Variants in EXT2 observed in about 807,000 individuals in gnomAD.
EXT2 encodes the protein exostosin glycosyltransferase 2.
In EXT2, 53 loss-of-function variants were observed where a neutral mutation model predicts 81.6. The observed-to-expected ratio is 0.65, with a 90% confidence interval of 0.52 to 0.82. The LOEUF is 0.82. EXT2 is among the 40% of genes least tolerant of loss of function. EXT2 has a pLI of 0.00. For synonymous variants in EXT2, 320 were observed against 340.0 expected, an observed-to-expected ratio of 0.94 and a Z score of 0.65; for missense variants, 774 against 910.2, an observed-to-expected ratio of 0.85 and a Z score of 1.93.
At chr11:44,207,760 T>A (rs1165679404) in intron 10 of EXT2, among the ~76,000 whole-genome samples, 1 of 152,174 alleles carries the variant, frequency 6.6e-6, no homozygotes, top group East Asian at 1.9e-4. Flanking sequence ...CATAAATTTT[T>A]AAAAATGAAG....
intron 2 of EXT2, 66 bp downstream of exon 2, chr11:44,108,314 A>T: frequency 6.5e-7 from 1 of 1,538,380 alleles, no homozygotes. Flanking sequence ...AACTAAAGGG[A>T]AGGGAAGGAT....
chr11:44,158,650 GAA>G (rs1954888967), intron 7 of EXT2, among the ~76,000 whole-genome samples: 1 of 150,958 alleles, frequency 6.6e-6, no homozygotes, highest in Admixed American at 6.6e-5. Flanking sequence ...TTAATAAAAA[GAA>G]AGAATTTTAT....
At chr11:44,149,267 TG>T (rs1221841771) in intron 7 of EXT2, among the ~76,000 whole-genome samples, 2 of 152,000 alleles carry the variant, frequency 1.3e-5, no homozygotes, top group African/African-American at 4.8e-5. Flanking sequence ...GAGGCTGAGG[TG>T]GGAAGATTGC....
At chr11:44,236,154 G>A (rs1203644144) in intron 12 of EXT2, 139 bp from the exon 13 acceptor site, 11 of 772,986 alleles carry the variant, frequency 1.4e-5, no homozygotes, top group Non-Finnish European at 2.5e-5. Context: ...TGGAGGAATG[G>A]CGAGGTGTGT....
chr11:44,128,037 C>T (rs957018249), intron 6 of EXT2, among the ~76,000 whole-genome samples: 2 of 152,134 alleles, frequency 1.3e-5, no homozygotes, highest in African/African-American at 2.4e-5. Flanking sequence ...TTTTCCTTGC[C>T]TCAAATGCTT....
Position 44,124,846 on chromosome 11 carries a change from G to A in EXT2, c.801G>A (p.Glu267=), listed in dbSNP as rs1954374796. The change falls in exon 5 of 14, where the codon GAG becomes GAA. Residue 267 remains glutamate (E), a synonymous_variant. Transcript: ENST00000533608. Reference sequence around the variant, plus strand: ...TGGGTCTCCATCCTGAGTACAGAGAGGACCTAGAAGCCCTCCAGGTCAAAC... The same window carrying A: ...TGGGTCTCCATCCTGAGTACAGAGAAGACCTAGAAGCCCTCCAGGTCAAAC... The part of the protein sequence containing the change: ...SQVGLHPEYR[E]DLEALQVKHG... 3 of 1,614,046 alleles carry A rather than the reference G, an allele frequency of 1.9e-6. No homozygotes were observed. Among genetic ancestry groups the A allele is most frequent in the Non-Finnish European group, 2.5e-6 (3 of 1,180,006 alleles).
intron 10 of EXT2, among the ~76,000 whole-genome samples, chr11:44,219,415 G>A (rs1955758276): frequency 6.6e-6 from 1 of 152,124 alleles, no homozygotes; most frequent in Non-Finnish European, 1.5e-5. Context: ...TCAGGAGGCT[G>A]AGTGAGGTGG....
At chr11:44,114,144 T>A (rs2134983857) in intron 3 of EXT2, 41 bp from the exon 4 acceptor site, 1 of 1,533,186 alleles carries the variant, frequency 6.5e-7, no homozygotes, top group Non-Finnish European at 9.0e-7. Context: ...CAGAATAAAG[T>A]CCTTTCTTTC....
At chr11:44,096,210 C>T (rs1418613826) in intron 1 of EXT2, 1 of 1,526,900 alleles carries the variant, frequency 6.5e-7, no homozygotes, top group East Asian at 2.4e-5. Flanking sequence ...CTTCCTGCTG[C>T]CACCTTCCCG....
chr11:44,095,964 G>C, intron 1 of EXT2, 112 bp downstream of exon 1: 1 of 442,198 alleles, frequency 2.3e-6, no homozygotes, highest in South Asian at 2.1e-5. Context: ...GCCGCGCGGA[G>C]GCTCCGTGGA....
intron 7 of EXT2, among the ~76,000 whole-genome samples, chr11:44,160,982 T>C (rs1954920269): frequency 6.6e-6 from 1 of 152,212 alleles, no homozygotes; most frequent in South Asian, 2.1e-4. Context: ...ACTGATCTTC[T>C]TGGATTTGTT....
At chr11:44,168,962 T>A (rs2135122102) in intron 7 of EXT2, among the ~76,000 whole-genome samples, 1 of 152,214 alleles carries the variant, frequency 6.6e-6, no homozygotes, top group Non-Finnish European at 1.5e-5. Context: ...TGGCTCTTGC[T>A]TGTAATCCCA....
At chr11:44,193,125 A>G (rs1412748455) in intron 8 of EXT2, among the ~76,000 whole-genome samples, 2 of 152,250 alleles carry the variant, frequency 1.3e-5, no homozygotes, top group Non-Finnish European at 2.9e-5. Context: ...CATGGAAATA[A>G]AAACAGTATA....
chr11:44,116,267 A>G (rs893512560), intron 4 of EXT2: 2 of 152,212 alleles, frequency 1.3e-5, no homozygotes, highest in African/African-American at 4.8e-5. Context: ...ATAATTGTAC[A>G]ATAAATGGTC....
chr11:44,142,820 A>G (rs1954663844), intron 7 of EXT2, among the ~76,000 whole-genome samples: 1 of 152,220 alleles, frequency 6.6e-6, no homozygotes, highest in South Asian at 2.1e-4. Context: ...AGGGAATATT[A>G]GACCTGATCC....
At chr11:44,170,815 CA>C (rs1372105632) in intron 7 of EXT2, among the ~76,000 whole-genome samples, 4 of 1,906 alleles carry the variant, frequency 2.1e-3, no homozygotes, top group African/African-American at 4.1e-3. Context: ...CACATTCACA[CA>C]CACACACACA....
At chr11:44,236,225 G>T in intron 12 of EXT2, 68 bp from the exon 13 acceptor site, 4 of 1,324,256 alleles carry the variant, frequency 3.0e-6, no homozygotes, top group South Asian at 1.2e-5. Context: ...ATGCAGTGTG[G>T]TGTCACAAGC....
chr11:44,132,507 C>T (rs1954507767), intron 7 of EXT2, among the ~76,000 whole-genome samples: 1 of 152,172 alleles, frequency 6.6e-6, no homozygotes, highest in Non-Finnish European at 1.5e-5. Flanking sequence ...CCCTAGGCTT[C>T]CATTTCCTCA....
chr11:44,167,938 A>T (rs888381554), intron 7 of EXT2, among the ~76,000 whole-genome samples: 126 of 151,682 alleles, frequency 8.3e-4, no homozygotes, highest in African/African-American at 2.9e-3. Flanking sequence ...AGCATTAGGT[A>T]TATCTCCCAA....
Sources: gnomAD v4.1 joint callset for allele counts (sites outside exome capture counted in the v4.1 genomes callset) on GRCh38, gnomAD v4.1.1 for gene constraint, MANE v1.5 for transcripts, NCBI Gene and HGNC (gene_info 2026-07-23, HGNC 2026-07-21) for gene names.